MED28: variants seen among roughly 807,000 people sequenced by gnomAD.
MED28 encodes the protein mediator of RNA polymerase II transcription subunit 28.
In MED28, 26 loss-of-function variants were observed where a neutral mutation model predicts 21.3. The observed-to-expected ratio is 1.22, with a 90% confidence interval of 0.89 to 1.69. The LOEUF is 1.69. Ranked by LOEUF, MED28 falls within the 40% of genes most tolerant of loss-of-function variation. The pLI is 0.00. For synonymous variants in MED28, 110 were observed against 87.6 expected (o/e 1.26, Z -1.43); for missense variants, 257 against 215.4 (o/e 1.19, Z -1.21).
rs1714695942 is a variant in MED28 at position 17,623,658 on chromosome 4, T to C, written c.397T>C (p.Leu133=). 6.2e-7 allele frequency: 1 copy of C among 1,614,190 alleles called. No homozygotes were observed. Among genetic ancestry groups the C allele is most frequent in the Non-Finnish European group, 8.5e-7 (1 of 1,180,026 alleles). Residue 133 remains leucine, a synonymous_variant, in exon 4 of 4, where the codon TTG becomes CTG. Transcript: ENST00000237380. The part of the protein sequence containing the change: ...QRKDALVQKH[L]TKLRHWQQVL... Reference sequence around the variant, plus strand: ...GAAAGATGCACTAGTCCAGAAGCACTTGACAAAGCTGAGGCATTGGCAGCA... The same window carrying C: ...GAAAGATGCACTAGTCCAGAAGCACCTGACAAAGCTGAGGCATTGGCAGCA...
In MED28 at chr4:17,632,043, ATTTT is replaced by A. The variant is rs199549580; in HGVS notation, c.*8286_*8289del. 187 of 117,214 alleles carry A rather than the reference ATTTT, an allele frequency of 1.6e-3. No individual in the cohort carries two copies. Among genetic ancestry groups the A allele is most frequent in the Middle Eastern group, 4.8e-3 (1 of 210 alleles). The allele number at this position is 117,214 out of a possible 1,614,324, so 7.3% of individuals were successfully genotyped here. The stretch of plus-strand genomic sequence containing the variant: ...TTTTAATAACACTGGTTTAATGTCA[ATTTT>A]TTTTTTTTTTTTTTTTTTTTTTTTT... On this transcript the variant is annotated 3_prime_UTR_variant, in exon 4 of 4. Transcript: ENST00000237380.
At position 17,628,320 on chromosome 4, in the gene MED28, A is replaced by ATG. The variant is rs1321890516; in HGVS notation, c.*4528_*4529dup. ...TGTATATGCGTATATATGTGTATGT[A>ATG]TGTGTGTATATATATATGTGTGTGT... On this transcript the variant is annotated 3_prime_UTR_variant, in exon 4 of 4. Coordinates refer to ENST00000237380, the MANE Select transcript of MED28 (RefSeq NM_025205.5). The ATG allele has an allele frequency of 1.5e-5, 2 of 135,504 alleles. No individual in the cohort carries two copies. The highest frequency in any genetic ancestry group is 2.8e-5 in the African/African-American group (1 of 36,046). 8.4% of individuals were successfully genotyped at this position (135,504 alleles called of 1,614,324 possible).
At chr4:17,619,869 AT>A (rs1361364891) in intron 1 of MED28, 31 bp from the exon 2 acceptor site, 9 of 1,599,134 alleles carry the variant, frequency 5.6e-6, no homozygotes, top group South Asian at 1.1e-5. Context: ...TATAAATGAT[AT>A]TTTTTTCTTT....
rs1461782900 is a variant in MED28, at chr4:17,619,994, GT to G, written c.226+29del. On this transcript the variant is annotated intron_variant, in intron 2 of 3. Transcript: ENST00000237380. ...TAAGCATTCCCTCTGTGTACACAAT[GT>G]TCTGGGCTTCAGCAGTATTTCCTAG... 9 of 1,601,832 alleles carry G rather than the reference GT, an allele frequency of 5.6e-6. No homozygotes were observed. In the Admixed American group the frequency reaches 1.5e-4, roughly 27 times the overall value.
Position 17,621,843 on chromosome 4 carries a change from T to A in MED28, c.339+144T>A, listed in dbSNP as rs1337037266. ...AGTGTGAAATGTGGCTAGTCATCCA[T>A]GTTTGGGACAACCTGAACAAGAAGT... On this transcript the variant is annotated intron_variant, in intron 3 of 3. Coordinates refer to ENST00000237380, the MANE Select transcript of MED28 (RefSeq NM_025205.5). 3 of 642,346 alleles carry A rather than the reference T, an allele frequency of 4.7e-6. No homozygotes were observed. The African/African-American group carries it at 5.7e-5, about 12-fold the overall frequency. 39.8% of individuals were successfully genotyped at this position (642,346 alleles called of 1,614,324 possible).
Position 17,628,696 on chromosome 4 carries a change from G to A in MED28, c.*4898G>A, listed in dbSNP as rs1714840383. The stretch of plus-strand genomic sequence containing the variant: ...GACCTGACTGAGACAATTGTGACTG[G>A]ATGTGGTCTGAGAGCAGGCAGTAGG... On this transcript the variant is annotated 3_prime_UTR_variant, in exon 4 of 4. Transcript: ENST00000237380. 6.6e-6 allele frequency: 1 copy of A among 152,214 alleles called. No homozygotes were observed. Among genetic ancestry groups the A allele is most frequent in the South Asian group, 2.1e-4 (1 of 4,830 alleles). 9.4% of individuals were successfully genotyped at this position (152,214 alleles called of 1,614,324 possible).
Position 17,630,210 on chromosome 4 carries a change from C to G in MED28, c.*6412C>G, listed in dbSNP as rs554922489. ...AAAAATAGAACCACCTGTATGTAGTCTTTTTGAAAGCACAAAATAAAGAGC... is the reference window on the plus strand; with the variant it reads ...AAAAATAGAACCACCTGTATGTAGTGTTTTTGAAAGCACAAAATAAAGAGC... On this transcript the variant is annotated 3_prime_UTR_variant, in exon 4 of 4. Transcript: ENST00000237380. 1 of 152,268 alleles carries G rather than the reference C, an allele frequency of 6.6e-6. No homozygotes were observed. The highest frequency in any genetic ancestry group is 2.1e-4 in the South Asian group (1 of 4,830). The allele number at this position is 152,268 out of a possible 1,614,324, so 9.4% of individuals were successfully genotyped here.
At position 17,632,892 on chromosome 4, in the gene MED28, G is replaced by A; in HGVS notation, c.*9094G>A. 1 of 295,726 alleles carries A rather than the reference G, an allele frequency of 3.4e-6. No individual in the cohort carries two copies. Among genetic ancestry groups the A allele is most frequent in the South Asian group, 4.5e-5 (1 of 22,234 alleles). 18.3% of individuals were successfully genotyped at this position (295,726 alleles called of 1,614,324 possible). On this transcript the variant is annotated 3_prime_UTR_variant, in exon 4 of 4. Transcript: ENST00000237380. ...ACTTAGTGGTTGTAGCTCTAATAATGCAGGATTAACCAAACCTACAGATCA... is the reference window on the plus strand; with the variant it reads ...ACTTAGTGGTTGTAGCTCTAATAATACAGGATTAACCAAACCTACAGATCA...
In MED28 at chr4:17,614,669, A is replaced by AG; in HGVS notation, c.20dup (p.Met8TyrfsTer31). 1 of 1,611,830 alleles carries AG rather than the reference A, an allele frequency of 6.2e-7. No homozygotes were observed. Among genetic ancestry groups the AG allele is most frequent in the Non-Finnish European group, 8.5e-7 (1 of 1,179,402 alleles). On this transcript the variant is annotated frameshift_variant, in exon 1 of 4. Coordinates refer to ENST00000237380, the MANE Select transcript of MED28 (RefSeq NM_025205.5). LOFTEE classifies it high-confidence loss of function. ...CCATTCCAAACATGGCGGCTCCACTAGGGGGTATGTTTTCTGGGCAGCCAC... is the reference window on the plus strand; with the variant it reads ...CCATTCCAAACATGGCGGCTCCACTAGGGGGGTATGTTTTCTGGGCAGCCAC...
intron 1 of MED28, among the ~76,000 whole-genome samples, chr4:17,616,432 C>T (rs1273318258): frequency 6.6e-6 from 1 of 152,218 alleles, no homozygotes. Flanking sequence ...CTGTACAAGT[C>T]TTAGCCAAAG....
chr4:17,623,524 T>G lies in MED28; in HGVS notation c.340-77T>G, dbSNP rs1714692129. ...AATGGATTCTCTTTGTTTTGAATTG[T>G]TAGCCTCTTAACTAACCAGAACCGT... On this transcript the variant is annotated intron_variant, in intron 3 of 3. Transcript: ENST00000237380. 8 of 1,392,956 alleles carry G rather than the reference T, an allele frequency of 5.7e-6. No homozygotes were observed. The African/African-American group carries it at 1.0e-4, about 17-fold the overall frequency. 86.3% of individuals were successfully genotyped at this position (1,392,956 alleles called of 1,614,324 possible). A position where few individuals can be genotyped will look rare whatever the true frequency, so the allele number is the denominator to read the frequency against.
At chr4:17,616,285 TAGG>T (rs965641465) in intron 1 of MED28, among the ~76,000 whole-genome samples, 1 of 152,084 alleles carries the variant, frequency 6.6e-6, no homozygotes, top group Non-Finnish European at 1.5e-5. Context: ...ACAGACCGTT[TAGG>T]AGGAGGAGGA....
intron 3 of MED28, 85 bp from the exon 4 acceptor site, chr4:17,623,516 T>C: frequency 7.5e-7 from 1 of 1,325,950 alleles, no homozygotes; most frequent in Non-Finnish European, 1.1e-6. Context: ...TCTCTTTGTT[T>C]TGAATTGTTA....
In MED28 at chr4:17,614,708, G is replaced by A. The variant is rs1212451481; in HGVS notation, c.54G>A (p.Gln18=). Residue 18 remains glutamine (Q), a synonymous_variant, in exon 1 of 4, where the codon CAG becomes CAA. Transcript: ENST00000237380. ...MFSGQPPGPP[Q]APPGLPGQAS... The stretch of plus-strand genomic sequence containing the variant: ...CTGGGCAGCCACCCGGTCCCCCTCA[G>A]GCCCCGCCGGGCCTTCCGGGCCAAG... 1 of 1,614,222 alleles carries A rather than the reference G, an allele frequency of 6.2e-7. No homozygotes were observed. The highest frequency in any genetic ancestry group is 1.1e-5 in the South Asian group (1 of 91,080).
rs939302642 is a variant in MED28, at chr4:17,630,581, T to C, written c.*6783T>C. The C allele has an allele frequency of 3.3e-5, 5 of 152,194 alleles. No homozygotes were observed. Among genetic ancestry groups the C allele is most frequent in the African/African-American group, 9.7e-5 (4 of 41,444 alleles). 9.4% of individuals were successfully genotyped at this position (152,194 alleles called of 1,614,324 possible). A position where few individuals can be genotyped will look rare whatever the true frequency, so the allele number is the denominator to read the frequency against. On this transcript the variant is annotated 3_prime_UTR_variant, in exon 4 of 4. Coordinates refer to ENST00000237380, the MANE Select transcript of MED28 (RefSeq NM_025205.5). ...TAAATTATCCAGTATAAGTAAGATA[T>C]TTTGTTAGAGCAGCCTGAACGAACT...
chr4:17,622,268 T>C (rs1462230437), intron 3 of MED28, among the ~76,000 whole-genome samples: 1 of 152,200 alleles, frequency 6.6e-6, no homozygotes, highest in Non-Finnish European at 1.5e-5. Flanking sequence ...AGAATCATCC[T>C]GCCCAAAAAG....
In MED28 at chr4:17,624,035, A is replaced by G. The variant is rs555; in HGVS notation, c.*237A>G. On this transcript the variant is annotated 3_prime_UTR_variant, in exon 4 of 4. Transcript: ENST00000237380. ...TAAGTATTTTTTTTTTGTCTTTAGC[A>G]AAGTTTAGACTGTGAATATGATGAC... The G allele has an allele frequency of 0.59, 302,812 of 511,190 alleles. 95,371 individuals are homozygous for G. Among genetic ancestry groups the G allele is most frequent in the East Asian group, 0.9 (27,351 of 30,458 alleles). The allele number at this position is 511,190 out of a possible 1,614,324, so 31.7% of individuals were successfully genotyped here.
Position 17,632,530 on chromosome 4 carries a change from G to C in MED28, c.*8732G>C. 1.9e-6 allele frequency: 3 copies of C among 1,547,710 alleles called. No homozygotes were observed. The highest frequency in any genetic ancestry group is 1.7e-6 in the Non-Finnish European group (2 of 1,143,772). Reference sequence around the variant, plus strand: ...CCTCTGTGATGTATCCCAAAGGTTAGCTTAGAAAGAAAAGTACTTGGTGAA... The same window carrying C: ...CCTCTGTGATGTATCCCAAAGGTTACCTTAGAAAGAAAAGTACTTGGTGAA... On this transcript the variant is annotated 3_prime_UTR_variant, in exon 4 of 4. Coordinates refer to ENST00000237380, the MANE Select transcript of MED28 (RefSeq NM_025205.5).
intron 1 of MED28, among the ~76,000 whole-genome samples, chr4:17,615,499 G>C (rs1254838533): frequency 6.6e-6 from 1 of 152,214 alleles, no homozygotes; most frequent in Non-Finnish European, 1.5e-5. Flanking sequence ...TCAAATTGGA[G>C]TTAACTTTTC....
Sources: gnomAD v4.1 joint callset for allele counts (sites outside exome capture counted in the v4.1 genomes callset) on GRCh38, gnomAD v4.1.1 for gene constraint, MANE v1.5 for transcripts, NCBI Gene and HGNC (gene_info 2026-07-23, HGNC 2026-07-21) for gene names.